FOSL2: variants seen among roughly 807,000 people sequenced by gnomAD.
FOSL2 encodes FOS like 2, AP-1 transcription factor subunit.
Under a neutral mutation model 27.7 loss-of-function variants are expected in FOSL2, and 3 were observed. The observed-to-expected ratio is 0.11, with a 90% CI of 0.05 to 0.28. The LOEUF is 0.28. Among genes scored for constraint, FOSL2 ranks in the 10% least tolerant of loss-of-function variants. The pLI, the probability that FOSL2 is intolerant of heterozygous loss-of-function variation, is 1.00. For synonymous variants in FOSL2, 179 were observed against 190.1 expected (o/e 0.94, Z 0.48); for missense variants, 333 against 445.1 (o/e 0.75, Z 2.27).
At chr2:28,398,913 A>G (rs1050554628) in intron 1 of FOSL2, among the ~76,000 whole-genome samples, 2 of 152,238 alleles carry the variant, frequency 1.3e-5, no homozygotes, top group African/African-American at 2.4e-5. Context: ...GTAAAAATAC[A>G]GAGTATTTGC....
intron 1 of FOSL2, among the ~76,000 whole-genome samples, chr2:28,398,588 G>C (rs570003903): frequency 2.6e-5 from 4 of 152,228 alleles, no homozygotes; most frequent in Non-Finnish European, 5.9e-5. Flanking sequence ...GAGGGCTAAG[G>C]CCTTCTCTTT....
In FOSL2 at chr2:28,412,483, T is replaced by A; in HGVS notation, c.*35T>A. 6.4e-7 allele frequency: 1 copy of A among 1,572,426 alleles called. No individual in the cohort carries two copies. Among genetic ancestry groups the A allele is most frequent in the Non-Finnish European group, 8.6e-7 (1 of 1,162,950 alleles). ...CCTCCCTCCCCAGCTCCGGAGGGGG[T>A]CCTCCTCGCTCCTCCTTCCCAGGGA... is the stretch of plus-strand genomic sequence containing the variant. On this transcript the variant is annotated 3_prime_UTR_variant, in exon 4 of 4. Coordinates refer to ENST00000264716, the MANE Select transcript of FOSL2 (RefSeq NM_005253.4). The surrounding 1 kb of genome is among the most constrained non-coding windows in gnomAD (Gnocchi z 7.1).
chr2:28,401,699 A>T (rs1032392475), intron 1 of FOSL2, among the ~76,000 whole-genome samples: 4 of 152,168 alleles, frequency 2.6e-5, no homozygotes, highest in Non-Finnish European at 5.9e-5. Flanking sequence ...TTCCTCCTTG[A>T]AGATCATTTC....
In FOSL2 at chr2:28,413,359, C is replaced by T. The variant is rs994693634; in HGVS notation, c.*911C>T. On this transcript the variant is annotated 3_prime_UTR_variant, in exon 4 of 4. Transcript: ENST00000264716. ...TAATTACTGCCTTGCCATTCTGCCCCTGGACCCTTCTCTCCGGACCAGGGA... is the reference window on the plus strand; with the variant it reads ...TAATTACTGCCTTGCCATTCTGCCCTTGGACCCTTCTCTCCGGACCAGGGA... 2.5e-6 allele frequency: 1 copy of T among 397,562 alleles called. No homozygotes were observed. The highest frequency in any genetic ancestry group is 4.4e-6 in the Non-Finnish European group (1 of 226,066). 24.6% of individuals were successfully genotyped at this position (397,562 alleles called of 1,614,324 possible).
At chr2:28,394,271 G>A (rs1407049853) in intron 1 of FOSL2, among the ~76,000 whole-genome samples, 2 of 151,438 alleles carry the variant, frequency 1.3e-5, no homozygotes, top group African/African-American at 4.9e-5. Flanking sequence ...TCTCCTCCCC[G>A]TTCTCCATCA....
chr2:28,409,358 C>G (rs1222086795), intron 3 of FOSL2, among the ~76,000 whole-genome samples: 1 of 152,186 alleles, frequency 6.6e-6, no homozygotes, highest in African/African-American at 2.4e-5. Flanking sequence ...CACGTGGCAG[C>G]AGGGTTGTAT....
At chr2:28,395,630 A>T (rs1490594480) in intron 1 of FOSL2, 1 of 152,236 alleles carries the variant, frequency 6.6e-6, no homozygotes, top group East Asian at 1.9e-4. Flanking sequence ...ACCGAAGCAA[A>T]AAGCAGCTGT....
At chr2:28,399,715 T>C (rs897710393) in intron 1 of FOSL2, among the ~76,000 whole-genome samples, 1 of 152,218 alleles carries the variant, frequency 6.6e-6, no homozygotes, top group African/African-American at 2.4e-5. Flanking sequence ...TTTTGCTTTC[T>C]TATTTCCTCT....
rs1347826776 is a variant in FOSL2, at chr2:28,413,532, C to T, written c.*1084C>T. On this transcript the variant is annotated 3_prime_UTR_variant, in exon 4 of 4. Coordinates refer to ENST00000264716, the MANE Select transcript of FOSL2 (RefSeq NM_005253.4). ...CCCCAGATGCTGCCAGGCAGCCCCT[C>T]CCCAAGCCTCAAAGAAGCATTTGCT... The T allele has an allele frequency of 1.5e-5, 6 of 398,592 alleles. No individual in the cohort carries two copies. The allele number at this position is 398,592 out of a possible 1,614,324, so 24.7% of individuals were successfully genotyped here.
In FOSL2 at chr2:28,404,016, G is replaced by C. The variant is rs1664026095; in HGVS notation, c.103-91G>C. The C allele has an allele frequency of 6.7e-7, 1 of 1,486,396 alleles. No individual in the cohort carries two copies. The highest frequency in any genetic ancestry group is 9.2e-7 in the Non-Finnish European group (1 of 1,083,680). 92.1% of individuals were successfully genotyped at this position (1,486,396 alleles called of 1,614,324 possible). A position where few individuals can be genotyped will look rare whatever the true frequency, so the allele number is the denominator to read the frequency against. On this transcript the variant is annotated intron_variant, in intron 1 of 3. Transcript: ENST00000264716. The surrounding 1 kb of genome is among the most constrained non-coding windows in gnomAD (Gnocchi z 4.7). ...TCGAACACTGACTGTGCTCTGTGCT[G>C]GTTTTTGCCTCAGCTCTGTTCAATT...
chr2:28,401,119 C>T (rs974952324), intron 1 of FOSL2, among the ~76,000 whole-genome samples: 1 of 152,042 alleles, frequency 6.6e-6, no homozygotes, highest in African/African-American at 2.4e-5. Flanking sequence ...CTCCCCAGAG[C>T]CTCCTGGGCA....
At position 28,412,166 on chromosome 2, in the gene FOSL2, C is replaced by T; in HGVS notation, c.699C>T (p.Ser233=). The stretch of plus-strand genomic sequence containing the variant: ...CCCTGGAAGAGGACAGCCCCTCGTC[C>T]TCGTCGGCGGGGCTGGACAAGGCCC... ...QEPLEEDSPS[S]SSAGLDKAQR... is the part of the protein sequence containing the mutation. The change falls in exon 4 of 4, where the codon TCC becomes TCT. Residue 233 remains serine (S), a synonymous_variant. Coordinates refer to ENST00000264716, the MANE Select transcript of FOSL2 (RefSeq NM_005253.4). This position sits in a 1 kb window ranked among gnomAD's most constrained non-coding sequence, Gnocchi z 7.1. 2 of 1,608,150 alleles carry T rather than the reference C, an allele frequency of 1.2e-6. No individual in the cohort carries two copies. Among genetic ancestry groups the T allele is most frequent in the Non-Finnish European group, 1.7e-6 (2 of 1,176,204 alleles).
rs377353016 is a variant in FOSL2, at chr2:28,412,458, C to G, written c.*10C>G. 1 of 1,593,486 alleles carries G rather than the reference C, an allele frequency of 6.3e-7. No homozygotes were observed. Among genetic ancestry groups the G allele is most frequent in the Non-Finnish European group, 8.5e-7 (1 of 1,175,286 alleles). On this transcript the variant is annotated 3_prime_UTR_variant, in exon 4 of 4. Coordinates refer to ENST00000264716, the MANE Select transcript of FOSL2 (RefSeq NM_005253.4). This position sits in a 1 kb window ranked among gnomAD's most constrained non-coding sequence, Gnocchi z 7.1. The stretch of plus-strand genomic sequence containing the variant: ...TCTGCTGGCTCTGTAACCCAGTGCA[C>G]CTCCCTCCCCAGCTCCGGAGGGGGT...
In FOSL2 at chr2:28,408,469, C is replaced by T. The variant is rs1265241630; in HGVS notation, c.355-290C>T. 6.6e-6 allele frequency among the ~76,000 whole-genome samples: 1 copy of T among 152,206 alleles called. No homozygotes were observed. Among genetic ancestry groups the T allele is most frequent in the Non-Finnish European group, 1.5e-5 (1 of 68,034 alleles). Reference sequence around the variant, plus strand: ...GGGCTGATGTGATAGGTGCTGCCATCATGCCTGGGCCAGTGAATCTCTGAC... The same window carrying T: ...GGGCTGATGTGATAGGTGCTGCCATTATGCCTGGGCCAGTGAATCTCTGAC... On this transcript the variant is annotated intron_variant, in intron 2 of 3. Coordinates refer to ENST00000264716, the MANE Select transcript of FOSL2 (RefSeq NM_005253.4). The surrounding 1 kb of genome is among the most constrained non-coding windows in gnomAD (Gnocchi z 4.1).
chr2:28,395,190 T>C (rs1259206150), intron 1 of FOSL2, among the ~76,000 whole-genome samples: 1 of 152,124 alleles, frequency 6.6e-6, no homozygotes. Context: ...TCCGAAAAGT[T>C]GTTGATTATG....
intron 1 of FOSL2, among the ~76,000 whole-genome samples, chr2:28,401,805 C>A (rs1056107850): frequency 1.3e-5 from 2 of 152,218 alleles, no homozygotes; most frequent in Non-Finnish European, 2.9e-5. Flanking sequence ...GCCCACTTTT[C>A]TTTGCCTTCA....
Position 28,404,120 on chromosome 2 carries a change from A to C in FOSL2, c.116A>C (p.Asp39Ala). The change falls in exon 2 of 4, where the codon GAT becomes GCT. Residue 39 changes from aspartate to alanine, a missense_variant. Around this residue, in one of 4 missense-constraint regions of FOSL2, gnomAD observed 131 missense variants for 157.9 expected, o/e 0.83. Transcript: ENST00000264716. This position sits in a 1 kb window ranked among gnomAD's most constrained non-coding sequence, Gnocchi z 4.7. ...TCCTCATTTCAGAAATTCCGGGTAG[A>C]TATGCCTGGCTCAGGCAGTGCATTC... ...GGGGQQKFRV[D>A]MPGSGSAFIP... 6.2e-7 allele frequency: 1 copy of C among 1,614,132 alleles called. No homozygotes were observed. The highest frequency in any genetic ancestry group is 8.5e-7 in the Non-Finnish European group (1 of 1,180,002).
At chr2:28,407,015 C>T (rs1472182212) in intron 2 of FOSL2, among the ~76,000 whole-genome samples, 2 of 152,228 alleles carry the variant, frequency 1.3e-5, no homozygotes, top group Non-Finnish European at 2.9e-5. Flanking sequence ...CCCCTGAACA[C>T]TTCCTATGTT....
intron 1 of FOSL2, among the ~76,000 whole-genome samples, chr2:28,394,082 C>G (rs1436161576): frequency 2.0e-5 from 3 of 150,258 alleles, no homozygotes; most frequent in Non-Finnish European, 4.4e-5. Context: ...ATTGTAGGCC[C>G]CCTACCAGGA....
Sources: gnomAD v4.1 joint callset for allele counts (sites outside exome capture counted in the v4.1 genomes callset) on GRCh38, gnomAD v4.1.1 for gene constraint, gnomAD v4.1.1 regional missense constraint, Gnocchi (gnomAD v3.1) non-coding constraint, MANE v1.5 for transcripts, NCBI Gene and HGNC (gene_info 2026-07-23, HGNC 2026-07-21) for gene names.